The following ZBED6 variants were observed in gnomAD, a reference collection of about 807,000 sequenced individuals.
The protein encoded by ZBED6 is zinc finger BED-type containing 6.
In ZBED6, 40 loss-of-function variants were observed where a neutral mutation model predicts 58.4. That is an observed-to-expected ratio of 0.68 (90% CI 0.53 to 0.89). The LOEUF (loss-of-function observed/expected upper bound fraction) is 0.89, where lower values mean the gene tolerates loss of function less well. ZBED6 is among the 40% of genes least tolerant of loss of function. The pLI is 0.00. For missense variants in ZBED6, 1,057 were observed against 1,003.9 expected (o/e 1.05, Z -0.71); for synonymous variants, 439 against 350.6 (o/e 1.25, Z -2.82).
Position 203,829,445 on chromosome 1 carries a change from G to C in ZBED6, c.*2998-6G>C, listed in dbSNP as rs12066834. On this transcript the variant is annotated splice_polypyrimidine_tract_variant and splice_region_variant and intron_variant, in intron 4 of 16. Transcript: ENST00000550078. ...TTTTAATTTATGACTGATTTTGTGC[G>C]TTTAGCTGTGTTGCCCACTGTGCCT... The C allele has an allele frequency of 0.011, 18,406 of 1,613,856 alleles. 133 individuals carry two copies. The highest frequency in any genetic ancestry group is 0.014 in the Middle Eastern group (86 of 6,056).
chr1:203,815,216 C>CTTTTCTTTTT (rs1553261508), intron 1 of ZBED6, among the ~76,000 whole-genome samples: 16 of 97,154 alleles, frequency 1.6e-4, no homozygotes, highest in African/African-American at 5.4e-4. Context: ...CTTTTCTTTT[C>CTTTTCTTTTT]TTTTTTTTTT....
chr1:203,808,763 T>G (rs1255189847), intron 1 of ZBED6, among the ~76,000 whole-genome samples: 1 of 152,158 alleles, frequency 6.6e-6, no homozygotes, highest in African/African-American at 2.4e-5. Flanking sequence ...GGCTGGAAAT[T>G]AGAGTCTTCA....
At chr1:203,822,818 A>G (rs929509212) in intron 3 of ZBED6, among the ~76,000 whole-genome samples, 10 of 152,022 alleles carry the variant, frequency 6.6e-5, no homozygotes, top group African/African-American at 1.7e-4. Flanking sequence ...TCAGACTCCA[A>G]TACCCTGCTC....
intron 2 of ZBED6, 64 bp downstream of exon 2, chr1:203,817,188 T>C (rs1676637418): frequency 7.3e-7 from 1 of 1,377,796 alleles, no homozygotes; most frequent in South Asian, 1.4e-5. Flanking sequence ...GGATAAGATT[T>C]TCCCAACATT....
At chr1:203,816,772 T>C (rs905431228) in intron 1 of ZBED6, among the ~76,000 whole-genome samples, 154 bp from the exon 2 acceptor site, 8 of 152,218 alleles carry the variant, frequency 5.3e-5, no homozygotes, top group Non-Finnish European at 1.0e-4. Flanking sequence ...GATGGGAATG[T>C]ACAGTATTCG....
At chr1:203,811,589 A>G (rs1315847289) in intron 1 of ZBED6, among the ~76,000 whole-genome samples, 1 of 151,764 alleles carries the variant, frequency 6.6e-6, no homozygotes, top group Non-Finnish European at 1.5e-5. Context: ...GCTCACTGCA[A>G]CCTCTGCCCC....
At chr1:203,819,656 T>G (rs983120431) in intron 3 of ZBED6, among the ~76,000 whole-genome samples, 8 of 148,656 alleles carry the variant, frequency 5.4e-5, no homozygotes, top group Admixed American at 4.8e-4. Flanking sequence ...TGCCTCAGCC[T>G]CCCGAGTAGC....
chr1:203,840,924 G>A (rs1025808954), intron 11 of ZBED6, among the ~76,000 whole-genome samples: 30 of 152,114 alleles, frequency 2.0e-4, no homozygotes, highest in African/African-American at 6.7e-4. Flanking sequence ...ACGAGCCACC[G>A]CACCCGGCTA....
At chr1:203,796,086 TC>T in exon 1 of ZBED6, 1 of 111,242 alleles carries the variant, frequency 9.0e-6, no homozygotes, top group Non-Finnish European at 1.8e-5. Context: ...CCAACCTTCC[TC>T]CCCTCCCCCA....
chr1:203,798,065 A>G, exon 1 of ZBED6: 1 of 1,535,998 alleles, frequency 6.5e-7, no homozygotes, highest in Non-Finnish European at 8.7e-7. Flanking sequence ...CAAGGCATTC[A>G]CCTCATTGGA....
At chr1:203,821,407 T>A (rs1455401996) in intron 3 of ZBED6, among the ~76,000 whole-genome samples, 1 of 152,200 alleles carries the variant, frequency 6.6e-6, no homozygotes, top group Non-Finnish European at 1.5e-5. Context: ...AATCAGTGTG[T>A]CGTACTCTGT....
intron 1 of ZBED6, among the ~76,000 whole-genome samples, chr1:203,810,529 C>T (rs538309246): frequency 2.0e-5 from 3 of 151,360 alleles, no homozygotes; most frequent in African/African-American, 7.3e-5. Flanking sequence ...ACACCATTCT[C>T]CTGCCTCAGC....
At chr1:203,852,083 T>C in intron 16 of ZBED6, 58 bp from the exon 17 acceptor site, 10 of 1,606,048 alleles carry the variant, frequency 6.2e-6, no homozygotes, top group Non-Finnish European at 8.5e-6. Flanking sequence ...TGAGACTAGG[T>C]GATTCAGCCA....
rs1168745482 is a variant in ZBED6, at chr1:203,800,419, A to G, written c.2897A>G (p.Gln966Arg). Residue 966 changes from glutamine to arginine, a missense_variant, in exon 1 of 17, where the codon CAG becomes CGG. Gln to Arg is a conservative substitution (Grantham distance 43). Coordinates refer to ENST00000550078, the Ensembl canonical transcript of ZBED6. ...TTGGTTCTGAGCTGGGATCCTGAGC[A>G]GAATGAAGTTGTTCAAAGCAGTGAA... 3.8e-6 allele frequency: 5 copies of G among 1,318,040 alleles called. No individual in the cohort carries two copies. In the East Asian group the frequency reaches 7.5e-5, roughly 20 times the overall value. 81.6% of individuals were successfully genotyped at this position (1,318,040 alleles called of 1,614,324 possible).
At chr1:203,824,039 C>T (rs536297847) in intron 3 of ZBED6, among the ~76,000 whole-genome samples, 70 of 152,162 alleles carry the variant, frequency 4.6e-4, no homozygotes, top group Non-Finnish European at 9.1e-4. Flanking sequence ...GAGGCTGAGG[C>T]GGCTGGATCA....
chr1:203,812,233 C>T (rs1384779909), intron 1 of ZBED6, among the ~76,000 whole-genome samples: 1 of 152,076 alleles, frequency 6.6e-6, no homozygotes, highest in Non-Finnish European at 1.5e-5. Flanking sequence ...GGTATTAAGC[C>T]TAGTATCTAT....
At chr1:203,852,233 G>T in exon 17 of ZBED6, 2 of 1,613,434 alleles carry the variant, frequency 1.2e-6, no homozygotes, top group East Asian at 4.5e-5. Flanking sequence ...AAAACTCGCC[G>T]ACTCAGCTCT....
At position 203,822,153 on chromosome 1, in the gene ZBED6, C is replaced by T. The variant is rs1241394200; in HGVS notation, c.*2873+3464C>T. ...CCACAGGACTTAGTCTAGACTTCTC[C>T]TTTTCCATACCTGTAACTCTTCTCC... On this transcript the variant is annotated intron_variant, in intron 3 of 16. Coordinates refer to ENST00000550078, the Ensembl canonical transcript of ZBED6. Among the ~76,000 whole-genome samples the T allele has an allele frequency of 1.3e-5, 2 of 152,150 alleles. 1 individual carries two copies. The highest frequency in any genetic ancestry group is 3.8e-4 in the East Asian group (2 of 5,196).
rs375349073 is a variant in ZBED6 at position 203,847,737 on chromosome 1, G to T, written c.*4245+50G>T. On this transcript the variant is annotated intron_variant, in intron 12 of 16. Coordinates refer to ENST00000550078, the Ensembl canonical transcript of ZBED6. ...TACCACGTCCCCACATAATATTCCA[G>T]AGGAGTGTTCCGTGGGATCTTCCTA... 13 of 1,574,904 alleles carry T rather than the reference G, an allele frequency of 8.3e-6. No homozygotes were observed. In the African/African-American group the frequency reaches 1.8e-4, roughly 21 times the overall value.
Sources: gnomAD v4.1 joint callset for allele counts (sites outside exome capture counted in the v4.1 genomes callset) on GRCh38, gnomAD v4.1.1 for gene constraint, MANE v1.5 for transcripts, NCBI Gene and HGNC (gene_info 2026-07-23, HGNC 2026-07-21) for gene names.